Variants in HMCN1 observed in about 807,000 individuals in gnomAD.
HMCN1 encodes the protein hemicentin 1, also known as hemicentin-1.
In HMCN1, 321 loss-of-function variants were observed where a neutral mutation model predicts 625.9. The observed-to-expected ratio is 0.51, with a 90% CI of 0.47 to 0.56. The LOEUF (loss-of-function observed/expected upper bound fraction) is 0.56. HMCN1 is among the 20% of genes least tolerant of loss of function. The probability of loss-of-function intolerance (pLI) is 0.00; values close to 1 mark genes in which losing one functional copy is unlikely to be tolerated. For synonymous variants in HMCN1, 2,425 were observed against 2,417.6 expected, an observed-to-expected ratio of 1.00 and a Z score of -0.09; for missense variants, 6,588 against 6,887.3, an observed-to-expected ratio of 0.96 and a Z score of 1.54.
chr1:185,797,712 A>T (rs1018157008), intron 1 of HMCN1, among the ~76,000 whole-genome samples: 1 of 128,444 alleles, frequency 7.8e-6, no homozygotes, highest in Non-Finnish European at 1.5e-5. Flanking sequence ...CACGCCTGTA[A>T]TCCCAGCACT....
Position 185,950,002 on chromosome 1 carries a change from T to A in HMCN1, c.1829-12516T>A, listed in dbSNP as rs1195024643. On this transcript the variant is annotated intron_variant, in intron 11 of 106. Transcript: ENST00000271588. ...GGCTTGTACTATAGCATAACCTGCC[T>A]TTGCTGGTGTGTGGCGATTAGGCCT... 2.6e-5 allele frequency among the ~76,000 whole-genome samples: 4 copies of A among 151,860 alleles called. No individual in the cohort carries two copies. The East Asian group carries it at 7.7e-4, about 29-fold the overall frequency.
intron 11 of HMCN1, among the ~76,000 whole-genome samples, chr1:185,955,914 G>A (rs1415401187): frequency 6.6e-6 from 1 of 152,026 alleles, no homozygotes; most frequent in Non-Finnish European, 1.5e-5. Context: ...GCCTCCAAAT[G>A]TTATCATTCT....
At chr1:185,851,635 C>T (rs996765874) in intron 2 of HMCN1, among the ~76,000 whole-genome samples, 1 of 151,988 alleles carries the variant, frequency 6.6e-6, no homozygotes, top group South Asian at 2.1e-4. Context: ...TTAATATCCT[C>T]GTAAATATGC....
At chr1:185,810,448 A>G (rs1054868161) in intron 1 of HMCN1, among the ~76,000 whole-genome samples, 2 of 152,210 alleles carry the variant, frequency 1.3e-5, no homozygotes, top group African/African-American at 4.8e-5. Flanking sequence ...AAACTCAGTT[A>G]TAAGAAAAGC....
chr1:185,735,157 G>A, intron 1 of HMCN1, 110 bp downstream of exon 1: 1 of 1,239,852 alleles, frequency 8.1e-7, no homozygotes, highest in East Asian at 2.3e-5. Flanking sequence ...TTAAAAAAAT[G>A]TGCAGCTGAA....
intron 76 of HMCN1, 63 bp downstream of exon 76, chr1:186,117,178 T>G: frequency 6.3e-7 from 1 of 1,590,732 alleles, no homozygotes; most frequent in Non-Finnish European, 8.6e-7. Flanking sequence ...ATTCTACTAC[T>G]TTACAAAAGG....
intron 36 of HMCN1, among the ~76,000 whole-genome samples, chr1:186,026,488 T>C (rs760475304): frequency 1.3e-5 from 2 of 152,186 alleles, no homozygotes; most frequent in Non-Finnish European, 2.9e-5. Flanking sequence ...GCTCTTCGAA[T>C]GCTCCCAAAG....
At chr1:185,898,885 T>TA (rs566386597) in intron 4 of HMCN1, among the ~76,000 whole-genome samples, 21,801 of 141,912 alleles carry the variant, frequency 0.15, 4,779 homozygotes, top group African/African-American at 0.49. Context: ...TTCAGACAGC[T>TA]AAAAAAAAAA....
At chr1:185,993,589 T>C (rs942198654) in intron 23 of HMCN1, among the ~76,000 whole-genome samples, 1 of 152,098 alleles carries the variant, frequency 6.6e-6, no homozygotes, top group African/African-American at 2.4e-5. Flanking sequence ...CTATTATTGT[T>C]GATATACAGT....
chr1:186,098,553 G>T (rs530704736), intron 68 of HMCN1, among the ~76,000 whole-genome samples: 1 of 152,230 alleles, frequency 6.6e-6, no homozygotes, highest in African/African-American at 2.4e-5. Flanking sequence ...GAGTCGGCAA[G>T]GATGTGGAGA....
intron 1 of HMCN1, among the ~76,000 whole-genome samples, chr1:185,740,454 A>T (rs1480873557): frequency 5.3e-5 from 8 of 152,174 alleles, no homozygotes. Context: ...AAAGAAGACA[A>T]GACAGGTTCT....
intron 46 of HMCN1, among the ~76,000 whole-genome samples, chr1:186,059,346 G>T (rs1657540914): frequency 6.6e-6 from 1 of 152,026 alleles, no homozygotes; most frequent in Non-Finnish European, 1.5e-5. Context: ...ATGTTCACTT[G>T]CTAAGGAAGT....
chr1:186,162,485 T>C (rs2102609510), intron 97 of HMCN1, among the ~76,000 whole-genome samples: 1 of 147,912 alleles, frequency 6.8e-6, no homozygotes, highest in African/African-American at 2.5e-5. Flanking sequence ...GGAGGAGAGG[T>C]GCTCTGCTTT....
chr1:185,744,830 G>A (rs1290076658), intron 1 of HMCN1, among the ~76,000 whole-genome samples: 1 of 152,154 alleles, frequency 6.6e-6, no homozygotes, highest in African/African-American at 2.4e-5. Flanking sequence ...CAGGAGCCTG[G>A]AAGGATTATA....
intron 1 of HMCN1, among the ~76,000 whole-genome samples, chr1:185,763,087 A>G (rs1655617813): frequency 6.6e-6 from 1 of 152,188 alleles, no homozygotes; most frequent in Admixed American, 6.5e-5. Flanking sequence ...TTCCAGGAGC[A>G]CCTGGGCCCA....
intron 81 of HMCN1, among the ~76,000 whole-genome samples, chr1:186,124,104 C>T (rs1661528294): frequency 6.6e-6 from 1 of 152,048 alleles, no homozygotes; most frequent in Non-Finnish European, 1.5e-5. Flanking sequence ...AATACTCCTT[C>T]TTCTCAAATG....
chr1:185,852,810 A>G (rs1662243069), intron 2 of HMCN1, among the ~76,000 whole-genome samples: 1 of 152,086 alleles, frequency 6.6e-6, no homozygotes, highest in Non-Finnish European at 1.5e-5. Flanking sequence ...CCAAATATTT[A>G]TGTTGTAAAT....
Position 186,070,651 on chromosome 1 carries a change from G to T in HMCN1, c.8033G>T (p.Gly2678Val). The change falls in exon 52 of 107, where the codon GGT becomes GTT. Residue 2678 changes from glycine (G) to valine (V), a missense_variant. Gly to Val is a moderately radical substitution (Grantham distance 109, BLOSUM62 -3). Coordinates refer to ENST00000271588, the MANE Select transcript of HMCN1 (RefSeq NM_031935.3). Reference protein sequence around the residue: ...IINKGDLWGPGLSPKEVKIKV... With the variant: ...IINKGDLWGPVLSPKEVKIKV... Reference sequence around the variant, plus strand: ...AATAAAGGGGACCTTTGGGGGCCAGGTCTTTCCCCTAAAGAAGTGAAGATC... The same window carrying T: ...AATAAAGGGGACCTTTGGGGGCCAGTTCTTTCCCCTAAAGAAGTGAAGATC... 1.2e-6 allele frequency: 2 copies of T among 1,613,080 alleles called. No individual in the cohort carries two copies. Among genetic ancestry groups the T allele is most frequent in the African/African-American group, 2.7e-5 (2 of 75,034 alleles).
At chr1:185,942,190 CAA>C (rs541622782) in intron 11 of HMCN1, among the ~76,000 whole-genome samples, 11 of 53,080 alleles carry the variant, frequency 2.1e-4, no homozygotes, top group Admixed American at 4.0e-4. Context: ...GACTCCATCT[CAA>C]AAAAAAAAAA....
Sources: gnomAD v4.1 joint callset for allele counts (sites outside exome capture counted in the v4.1 genomes callset) on GRCh38, gnomAD v4.1.1 for gene constraint, MANE v1.5 for transcripts, NCBI Gene and HGNC (gene_info 2026-07-23, HGNC 2026-07-21) for gene names.